The following SYPL1 variants were observed in gnomAD, a reference collection of about 807,000 sequenced individuals.
The protein encoded by SYPL1 is synaptophysin-like protein 1.
Under a neutral mutation model 23.7 loss-of-function variants are expected in SYPL1, and 6 were observed. The observed-to-expected ratio is 0.25, with a 90% confidence interval of 0.14 to 0.50. The LOEUF (loss-of-function observed/expected upper bound fraction) is 0.50. SYPL1 is among the 20% of genes least tolerant of loss of function. The probability of loss-of-function intolerance (pLI) is 0.98; values close to 1 mark genes in which losing one functional copy is unlikely to be tolerated. For missense variants in SYPL1, 253 were observed against 288.9 expected, an observed-to-expected ratio of 0.88 and a Z score of 0.90; for synonymous variants, 102 against 104.5, an observed-to-expected ratio of 0.98 and a Z score of 0.15.
chr7:106,099,437 A>G (rs1384389529), intron 1 of SYPL1, among the ~76,000 whole-genome samples, 155 bp from the exon 2 acceptor site: 1 of 152,122 alleles, frequency 6.6e-6, no homozygotes, highest in Non-Finnish European at 1.5e-5. Flanking sequence ...TGTCGCCCAG[A>G]CTGGAGTACA....
At chr7:106,102,563 T>A (rs1039987972) in intron 1 of SYPL1, among the ~76,000 whole-genome samples, 4 of 152,158 alleles carry the variant, frequency 2.6e-5, no homozygotes, top group Non-Finnish European at 5.9e-5. Flanking sequence ...GGGGATCCTC[T>A]GAGGTTTGTC....
At position 106,104,894 on chromosome 7, in the gene SYPL1, T is replaced by C. The variant is rs113682014; in HGVS notation, c.70-5612A>G. 1.6e-4 allele frequency among the ~76,000 whole-genome samples: 24 copies of C among 152,332 alleles called. No individual in the cohort carries two copies. Among genetic ancestry groups the C allele is most frequent in the African/African-American group, 5.8e-4 (24 of 41,568 alleles). On this transcript the variant is annotated intron_variant, in intron 1 of 4. Transcript: ENST00000455385. This position sits in a 1 kb window ranked among gnomAD's most constrained non-coding sequence, Gnocchi z 4.1. ...GGTAAAACCCGGCCTGCAAATATAT[T>C]TGTGTGGCCTTTCCAGTATTACAAA...
At position 106,100,898 on chromosome 7, in the gene SYPL1, T is replaced by C. The variant is rs1454575450; in HGVS notation, c.70-1616A>G. On this transcript the variant is annotated intron_variant, in intron 1 of 4. Coordinates refer to ENST00000455385, the MANE Select transcript of SYPL1 (RefSeq NM_182715.4). This position sits in a 1 kb window ranked among gnomAD's most constrained non-coding sequence, Gnocchi z 5.1. ...AGGCCTGCAAGATCCTTTCTTCCCT[T>C]ATATTTCTGACCTCATGTTGCTACT... Among the ~76,000 whole-genome samples, 3 of 152,228 alleles carry C rather than the reference T, an allele frequency of 2.0e-5. No homozygotes were observed. The highest frequency in any genetic ancestry group is 7.2e-5 in the African/African-American group (3 of 41,450).
Position 106,091,901 on chromosome 7 carries a change from A to C in SYPL1, c.630T>G (p.Asn210Lys). The C allele has an allele frequency of 2.5e-6, 4 of 1,613,600 alleles. No individual in the cohort carries two copies. In the South Asian group the frequency reaches 4.4e-5, roughly 18 times the overall value. The change falls in exon 5 of 5, where the codon AAT (asparagine) becomes AAG (lysine). Residue 210 changes from asparagine to lysine, a missense_variant. Asn to Lys is a moderately conservative substitution (Grantham distance 94, BLOSUM62 0). Transcript: ENST00000455385. This position sits in a 1 kb window ranked among gnomAD's most constrained non-coding sequence, Gnocchi z 5.0. ...GFLNMILWGG[N>K]AWFVYKETSL... ...TGGTCTCCTTGTACACAAACCAAGC[A>C]TTTCCTCCCCAGAGTATCATATTTA...
rs1840045306 is a variant in SYPL1, at chr7:106,096,961, C to A, written c.402+729G>T. Among the ~76,000 whole-genome samples the A allele has an allele frequency of 6.6e-6, 1 of 152,044 alleles. No homozygotes were observed. The highest frequency in any genetic ancestry group is 2.4e-5 in the African/African-American group (1 of 41,358). On this transcript the variant is annotated intron_variant, in intron 3 of 4. Coordinates refer to ENST00000455385, the MANE Select transcript of SYPL1 (RefSeq NM_182715.4). The surrounding 1 kb of genome is among the most constrained non-coding windows in gnomAD (Gnocchi z 4.4). Reference sequence around the variant, plus strand: ...CCAGGCTCCTGGCCACACCTATAACCCCCAGCACTTTGGGAGGCCAAGGCA... The same window carrying A: ...CCAGGCTCCTGGCCACACCTATAACACCCAGCACTTTGGGAGGCCAAGGCA...
chr7:106,098,267 A>G (rs990403279), intron 2 of SYPL1, among the ~76,000 whole-genome samples: 6 of 152,364 alleles, frequency 3.9e-5, no homozygotes, highest in Admixed American at 6.5e-5. Flanking sequence ...AGCCAATCAC[A>G]ACAATGATTC....
At chr7:106,101,106 A>C (rs1463683127) in intron 1 of SYPL1, among the ~76,000 whole-genome samples, 2 of 151,948 alleles carry the variant, frequency 1.3e-5, no homozygotes, top group Non-Finnish European at 2.9e-5. Flanking sequence ...CCTTCCCCTC[A>C]CCACACTATA....
At position 106,093,009 on chromosome 7, in the gene SYPL1, C is replaced by A. The variant is rs762804537; in HGVS notation, c.531G>T (p.Lys177Asn). The A allele has an allele frequency of 6.2e-7, 1 of 1,613,826 alleles. No individual in the cohort carries two copies. The highest frequency in any genetic ancestry group is 1.7e-5 in the Admixed American group (1 of 59,984). The change falls in exon 4 of 5, where the codon AAG becomes AAT. Residue 177 changes from lysine (K) to asparagine (N), a missense_variant. Lys to Asn is a moderately conservative substitution (Grantham distance 94). Transcript: ENST00000455385. ...NIIDELPPCK[K>N]KAVLCYFGSV... ...AGCCAAAGTAACACAGTACTGCTTT[C>A]TTCTTACAAGGCGGAAGTTCATCAA...
chr7:106,100,008 T>C lies in SYPL1; in HGVS notation c.70-726A>G, dbSNP rs563008988. ...ATACTTTAGTGTATCCACTAAGTATTAGTATGAAATATAGAGGGAGACTCA... is the reference window on the plus strand; with the variant it reads ...ATACTTTAGTGTATCCACTAAGTATCAGTATGAAATATAGAGGGAGACTCA... On this transcript the variant is annotated intron_variant, in intron 1 of 4. Transcript: ENST00000455385. This position sits in a 1 kb window ranked among gnomAD's most constrained non-coding sequence, Gnocchi z 5.1. Among the ~76,000 whole-genome samples, 7 of 152,352 alleles carry C rather than the reference T, an allele frequency of 4.6e-5. No homozygotes were observed. In the South Asian group the frequency reaches 1.5e-3, roughly 32 times the overall value.
At position 106,095,604 on chromosome 7, in the gene SYPL1, G is replaced by A. The variant is rs1056325990; in HGVS notation, c.402+2086C>T. On this transcript the variant is annotated intron_variant, in intron 3 of 4. Coordinates refer to ENST00000455385, the MANE Select transcript of SYPL1 (RefSeq NM_182715.4). This position sits in a 1 kb window ranked among gnomAD's most constrained non-coding sequence, Gnocchi z 4.3. ...CCTCCTGGAGTGATCCACCCACCTC[G>A]GCCTCCCAAAGTGCTGGGATTACAG... Among the ~76,000 whole-genome samples the A allele has an allele frequency of 6.6e-6, 1 of 151,934 alleles. No homozygotes were observed. Among genetic ancestry groups the A allele is most frequent in the Non-Finnish European group, 1.5e-5 (1 of 67,958 alleles).
chr7:106,103,745 A>G (rs567774166), intron 1 of SYPL1, among the ~76,000 whole-genome samples: 2 of 152,340 alleles, frequency 1.3e-5, no homozygotes, highest in South Asian at 4.1e-4. Context: ...TTAATAGAAC[A>G]CTGAAAATTA....
chr7:106,106,691 T>C (rs908259563), intron 1 of SYPL1, among the ~76,000 whole-genome samples: 1 of 151,642 alleles, frequency 6.6e-6, no homozygotes, highest in Non-Finnish European at 1.5e-5. Context: ...TAAAAAATTA[T>C]AGAAGTAGCT....
At chr7:106,112,316 G>A, upstream of SYPL1, 1 of 1,304,760 alleles carries the variant, frequency 7.7e-7, no homozygotes, top group Non-Finnish European at 9.8e-7. Context: ...CTGGCGCGCT[G>A]GCCGGGCTCG....
chr7:106,112,346 G>A (rs1215737092), upstream of SYPL1: 1 of 1,254,694 alleles, frequency 8.0e-7, no homozygotes, highest in Non-Finnish European at 1.0e-6. Flanking sequence ...CCGGGCGGCC[G>A]TGGGGCGGGG....
rs7782719 is a variant in SYPL1, at chr7:106,092,000, C to T, written c.592-61G>A. 125,187 of 1,490,204 alleles carry T rather than the reference C, an allele frequency of 0.084. 6,823 individuals carry two copies. Among genetic ancestry groups the T allele is most frequent in the African/African-American group, 0.26 (18,050 of 70,532 alleles). 92.3% of individuals were successfully genotyped at this position (1,490,204 alleles called of 1,614,324 possible). Reference sequence around the variant, plus strand: ...CCTACTTATAAAAATTCATGCCCTACTTAAAAATCTCACTTTTTCTTTAAA... The same window carrying T: ...CCTACTTATAAAAATTCATGCCCTATTTAAAAATCTCACTTTTTCTTTAAA... On this transcript the variant is annotated intron_variant, in intron 4 of 4. Transcript: ENST00000455385. This position sits in a 1 kb window ranked among gnomAD's most constrained non-coding sequence, Gnocchi z 5.0.
intron 1 of SYPL1, among the ~76,000 whole-genome samples, chr7:106,105,650 T>A (rs555999650): frequency 2.0e-5 from 3 of 151,930 alleles, no homozygotes; most frequent in South Asian, 4.2e-4. Flanking sequence ...TCTATTTAGA[T>A]CTACTTTCAG....
At position 106,097,938 on chromosome 7, in the gene SYPL1, G is replaced by C; in HGVS notation, c.195-41C>G. 1 of 1,531,856 alleles carries C rather than the reference G, an allele frequency of 6.5e-7. No individual in the cohort carries two copies. Among genetic ancestry groups the C allele is most frequent in the Non-Finnish European group, 8.9e-7 (1 of 1,118,988 alleles). The allele number at this position is 1,531,856 out of a possible 1,614,324, so 94.9% of individuals were successfully genotyped here. On this transcript the variant is annotated intron_variant, in intron 2 of 4. Coordinates refer to ENST00000455385, the MANE Select transcript of SYPL1 (RefSeq NM_182715.4). This position sits in a 1 kb window ranked among gnomAD's most constrained non-coding sequence, Gnocchi z 4.6. ...TATGAATTATTGGACTTTCCCAACA[G>C]AGACAGAAACATTTAAGCAAAACAA...
chr7:106,104,364 T>A lies in SYPL1; in HGVS notation c.70-5082A>T, dbSNP rs143248912. On this transcript the variant is annotated intron_variant, in intron 1 of 4. Transcript: ENST00000455385. This position sits in a 1 kb window ranked among gnomAD's most constrained non-coding sequence, Gnocchi z 4.1. ...TTCAATACCAGCTTGGGCAACACAG[T>A]GAGACCCTGTCTTAAAAATAAAATA... Among the ~76,000 whole-genome samples the A allele has an allele frequency of 1.2e-4, 19 of 152,258 alleles. No individual in the cohort carries two copies. Among genetic ancestry groups the A allele is most frequent in the African/African-American group, 4.3e-4 (18 of 41,540 alleles).
At position 106,100,147 on chromosome 7, in the gene SYPL1, G is replaced by C. The variant is rs367887559; in HGVS notation, c.70-865C>G. On this transcript the variant is annotated intron_variant, in intron 1 of 4. Transcript: ENST00000455385. The surrounding 1 kb of genome is among the most constrained non-coding windows in gnomAD (Gnocchi z 5.1). ...CAGCAGAGAAGAGACACTATTTCAT[G>C]AGCCTGTTAAACCTCCCTTGTGGGT... Among the ~76,000 whole-genome samples the C allele has an allele frequency of 3.3e-5, 5 of 152,296 alleles. No homozygotes were observed. The highest frequency in any genetic ancestry group is 1.2e-4 in the African/African-American group (5 of 41,558).
Sources: gnomAD v4.1 joint callset for allele counts (sites outside exome capture counted in the v4.1 genomes callset) on GRCh38, gnomAD v4.1.1 for gene constraint, Gnocchi (gnomAD v3.1) non-coding constraint, MANE v1.5 for transcripts, NCBI Gene and HGNC (gene_info 2026-07-23, HGNC 2026-07-21) for gene names.